The following NLRP11 variants were observed in gnomAD, a reference collection of about 807,000 sequenced individuals.
The protein encoded by NLRP11 is NLR family pyrin domain containing 11, also known as NACHT, LRR and PYD domains-containing protein 11.
A neutral mutation model predicts 79.3 loss-of-function variants in NLRP11; 53 were observed. The observed-to-expected ratio is 0.67, with a 90% CI of 0.54 to 0.84. The LOEUF (loss-of-function observed/expected upper bound fraction) is 0.84. Among genes scored for constraint, NLRP11 ranks in the 40% least tolerant of loss-of-function variants. The pLI is 0.00. For synonymous variants in NLRP11, 518 were observed against 462.6 expected (o/e 1.12, Z -1.54); for missense variants, 1,264 against 1,255.0 (o/e 1.01, Z -0.11).
chr19:55,801,179 CAA>C (rs149428235), intron 5 of NLRP11: 58 of 144,292 alleles, frequency 4.0e-4, no homozygotes, highest in South Asian at 1.5e-3. Flanking sequence ...AACTCCATCT[CAA>C]AAAAAAAAAA....
chr19:55,802,021 T>A (rs774177416), intron 4 of NLRP11, among the ~76,000 whole-genome samples: 33 of 152,240 alleles, frequency 2.2e-4, no homozygotes, highest in Non-Finnish European at 4.3e-4. Context: ...TACATCCACA[T>A]GCACAAAGAT....
chr19:55,835,341 C>A (rs371470205), upstream of NLRP11, among the ~76,000 whole-genome samples: 6 of 152,246 alleles, frequency 3.9e-5, no homozygotes, highest in Admixed American at 3.9e-4. Flanking sequence ...GAAATCTCGA[C>A]CTTGCGTCTA....
intron 5 of NLRP11, chr19:55,798,468 A>G: frequency 7.5e-6 from 2 of 268,434 alleles, no homozygotes; most frequent in Non-Finnish European, 1.1e-5. Context: ...ATGAGAACAC[A>G]TGGACACATA....
At chr19:55,796,161 G>C in exon 6 of NLRP11, 1 of 1,614,062 alleles carries the variant, frequency 6.2e-7, no homozygotes, top group Non-Finnish European at 8.5e-7. Flanking sequence ...CGGATTGCTG[G>C]ATAAGGTCAG....
At chr19:55,834,897 A>T (rs1241887124), upstream of NLRP11, among the ~76,000 whole-genome samples, 1 of 152,196 alleles carries the variant, frequency 6.6e-6, no homozygotes, top group Non-Finnish European at 1.5e-5. Context: ...AACAAAACAT[A>T]TCTCTTAGGG....
chr19:55,797,495 A>C (rs1979039831), intron 5 of NLRP11, among the ~76,000 whole-genome samples: 1 of 152,228 alleles, frequency 6.6e-6, no homozygotes, highest in Admixed American at 6.5e-5. Context: ...ATACAGCAGA[A>C]AACTGGAAGA....
At chr19:55,833,437 C>G (rs907468137), upstream of NLRP11, among the ~76,000 whole-genome samples, 20 of 152,182 alleles carry the variant, frequency 1.3e-4, no homozygotes, top group African/African-American at 4.8e-4. Flanking sequence ...TGGACCTACC[C>G]TATAAAGATT....
chr19:55,815,764 C>T (rs1981058425), intron 2 of NLRP11, among the ~76,000 whole-genome samples: 1 of 152,082 alleles, frequency 6.6e-6, no homozygotes. Context: ...ACTCATGAAT[C>T]CTTCTCAGAG....
chr19:55,801,737 A>C (rs1238735232), exon 5 of NLRP11: 1 of 1,614,048 alleles, frequency 6.2e-7, no homozygotes, highest in Non-Finnish European at 8.5e-7. Flanking sequence ...GACATAGGAC[A>C]ACCTGTGGAA....
intron 6 of NLRP11, among the ~76,000 whole-genome samples, chr19:55,794,847 T>C (rs1978666819): frequency 6.6e-6 from 1 of 152,186 alleles, no homozygotes; most frequent in Non-Finnish European, 1.5e-5. Context: ...ATCAAACAAG[T>C]ATTTTTTACA....
chr19:55,787,673 T>A (rs931441842), intron 9 of NLRP11, among the ~76,000 whole-genome samples: 4 of 152,202 alleles, frequency 2.6e-5, no homozygotes, highest in Non-Finnish European at 1.5e-5. Flanking sequence ...TATGGTGAGA[T>A]GTCACTTTTT....
intron 4 of NLRP11, among the ~76,000 whole-genome samples, chr19:55,803,437 G>A (rs1979676900): frequency 6.6e-6 from 1 of 152,146 alleles, no homozygotes. Context: ...AAGAACAATT[G>A]CAACAAAAGC....
chr19:55,830,598 T>TAAAAA lies in NLRP11; in HGVS notation c.-63+1360_-63+1364dup, dbSNP rs201476127. Among the ~76,000 whole-genome samples the TAAAAA allele has an allele frequency of 4.1e-3, 530 of 129,176 alleles. 4 individuals are homozygous for TAAAAA. Among genetic ancestry groups the TAAAAA allele is most frequent in the African/African-American group, 0.015 (496 of 33,616 alleles). 84.7% of individuals were successfully genotyped at this position (129,176 alleles called of 152,430 possible). A position where few individuals can be genotyped will look rare whatever the true frequency, so the allele number is the denominator to read the frequency against. ...GCCTAGTGATGGCTTCTTAGCTTCCTAAAAAAAAAAAAAAAAATGCAACGT... is the reference window on the plus strand; with the variant it reads ...GCCTAGTGATGGCTTCTTAGCTTCCTAAAAAAAAAAAAAAAAAAAAAATGCAACGT... On this transcript the variant is annotated intron_variant, in intron 1 of 9. Transcript: ENST00000589093.
intron 5 of NLRP11, among the ~76,000 whole-genome samples, chr19:55,797,291 G>A (rs114122540): frequency 0.02 from 2,995 of 151,138 alleles, 101 homozygotes; most frequent in African/African-American, 0.069. Flanking sequence ...TGAGCAAGAC[G>A]CATCTCTAAA....
intron 9 of NLRP11, 87 bp downstream of exon 9, chr19:55,788,720 A>C (rs1990041032): frequency 1.0e-6 from 1 of 958,404 alleles, no homozygotes; most frequent in South Asian, 1.7e-5. Context: ...AGCCTGGGCA[A>C]CAGAGTGAGA....
At chr19:55,787,050 A>T (rs1989922811) in intron 9 of NLRP11, among the ~76,000 whole-genome samples, 1 of 152,220 alleles carries the variant, frequency 6.6e-6, no homozygotes, top group Non-Finnish European at 1.5e-5. Context: ...ACCATTTTCC[A>T]TTTGAGAAAA....
At chr19:55,785,639 T>C (rs746468121) in exon 10 of NLRP11, 11 of 1,613,626 alleles carry the variant, frequency 6.8e-6, no homozygotes, top group Admixed American at 1.7e-5. Flanking sequence ...AGGGGTTGCC[T>C]AGATGCTGTA....
chr19:55,809,726 C>G lies in NLRP11; in HGVS notation c.884G>C (p.Cys295Ser). Residue 295 changes from cysteine (C) to serine (S), a missense_variant, in exon 3 of 10, where the codon TGC becomes TCC. Coordinates refer to ENST00000589093, the Ensembl canonical transcript of NLRP11. The surrounding 1 kb of genome is among the most constrained non-coding windows in gnomAD (Gnocchi z 4.5). ...CCCATTCGACAGCTGCAAGGTCGTG[C>G]AGCAATCTACCTCTTTCAAGAACGT... is the stretch of plus-strand genomic sequence containing the variant. 1.2e-6 allele frequency: 2 copies of G among 1,614,176 alleles called. No homozygotes were observed. The highest frequency in any genetic ancestry group is 1.7e-6 in the Non-Finnish European group (2 of 1,180,030).
At chr19:55,813,220 CG>C (rs1028247736) in intron 2 of NLRP11, among the ~76,000 whole-genome samples, 5 of 152,024 alleles carry the variant, frequency 3.3e-5, no homozygotes, top group Non-Finnish European at 7.4e-5. Context: ...CCCAGCTACT[CG>C]GGAGGCTGAG....
Sources: gnomAD v4.1 joint callset for allele counts (sites outside exome capture counted in the v4.1 genomes callset) on GRCh38, gnomAD v4.1.1 for gene constraint, Gnocchi (gnomAD v3.1) non-coding constraint, MANE v1.5 for transcripts, NCBI Gene and HGNC (gene_info 2026-07-23, HGNC 2026-07-21) for gene names.